The following PTPRD variants were observed in gnomAD, a reference collection of about 807,000 sequenced individuals.
The protein encoded by PTPRD is receptor-type tyrosine-protein phosphatase delta.
Under a neutral mutation model 214.5 loss-of-function variants are expected in PTPRD, and 34 were observed. The ratio of observed to expected loss-of-function variants is 0.16; its 90% CI spans 0.12 to 0.21. PTPRD has a LOEUF of 0.21. Ranked by LOEUF, PTPRD falls within the 10% of genes least tolerant of loss-of-function variation. PTPRD has a pLI of 1.00. For synonymous variants in PTPRD, 1,128 were observed against 845.7 expected, an observed-to-expected ratio of 1.33 and a Z score of -5.79; for missense variants, 2,545 against 2,398.7, an observed-to-expected ratio of 1.06 and a Z score of -1.27.
At chr9:9,480,169 G>C (rs1349798118) in intron 8 of PTPRD, among the ~76,000 whole-genome samples, 1 of 152,150 alleles carries the variant, frequency 6.6e-6, no homozygotes, top group African/African-American at 2.4e-5. Flanking sequence ...AAATCCATCA[G>C]TCCAAGGGTG....
At chr9:8,963,576 T>C (rs2099169942) in intron 11 of PTPRD, among the ~76,000 whole-genome samples, 1 of 152,158 alleles carries the variant, frequency 6.6e-6, no homozygotes, top group African/African-American at 2.4e-5. Flanking sequence ...GATTTGAATA[T>C]GTTGAACAAT....
intron 2 of PTPRD, among the ~76,000 whole-genome samples, chr9:10,550,889 T>C (rs944474426): frequency 6.6e-6 from 1 of 152,230 alleles, no homozygotes; most frequent in Non-Finnish European, 1.5e-5. Flanking sequence ...ATTACATATA[T>C]TGGCATGGTT....
At chr9:9,902,911 A>T (rs564005503) in intron 5 of PTPRD, among the ~76,000 whole-genome samples, 1 of 152,142 alleles carries the variant, frequency 6.6e-6, no homozygotes, top group South Asian at 2.1e-4. Flanking sequence ...TTTGTGTAAT[A>T]TCAAAAGTGT....
intron 4 of PTPRD, among the ~76,000 whole-genome samples, chr9:9,971,318 A>C (rs1037595408): frequency 2.6e-5 from 4 of 152,194 alleles, no homozygotes; most frequent in African/African-American, 9.7e-5. Flanking sequence ...TGGAGTAGAA[A>C]CCAGGTGTTG....
chr9:8,383,412 G>A (rs780060288), intron 37 of PTPRD, among the ~76,000 whole-genome samples: 5 of 152,076 alleles, frequency 3.3e-5, no homozygotes, highest in Non-Finnish European at 5.9e-5. Flanking sequence ...AGTCTCTTTG[G>A]CCCTGACAGC....
chr9:8,896,755 T>G (rs867326659), intron 11 of PTPRD, among the ~76,000 whole-genome samples: 7 of 152,274 alleles, frequency 4.6e-5, no homozygotes, highest in Middle Eastern at 3.4e-3. Context: ...GTGCAATTAA[T>G]TTGTACAGTG....
At chr9:9,115,652 C>T (rs1268297459) in intron 10 of PTPRD, among the ~76,000 whole-genome samples, 5 of 152,086 alleles carry the variant, frequency 3.3e-5, no homozygotes, top group African/African-American at 1.2e-4. Flanking sequence ...GAAAATAACT[C>T]ATTTTATAAA....
chr9:9,079,033 A>C (rs2099755220), intron 10 of PTPRD, among the ~76,000 whole-genome samples: 1 of 151,988 alleles, frequency 6.6e-6, no homozygotes, highest in South Asian at 2.1e-4. Flanking sequence ...CCATCATCTC[A>C]AATATTTATC....
At chr9:10,583,670 G>A (rs920364837) in intron 2 of PTPRD, among the ~76,000 whole-genome samples, 2 of 151,856 alleles carry the variant, frequency 1.3e-5, no homozygotes, top group African/African-American at 4.8e-5. Context: ...AGTAGAGACA[G>A]AGTTTCACCA....
intron 2 of PTPRD, among the ~76,000 whole-genome samples, chr9:10,400,783 A>G (rs1396182857): frequency 2.6e-5 from 4 of 151,582 alleles, no homozygotes; most frequent in Non-Finnish European, 5.9e-5. Flanking sequence ...TTAAAATTAT[A>G]TATTATTGTC....
intron 10 of PTPRD, among the ~76,000 whole-genome samples, chr9:9,067,016 G>A (rs544530496): frequency 6.6e-6 from 1 of 152,212 alleles, no homozygotes; most frequent in Non-Finnish European, 1.5e-5. Context: ...GCTGAGGTGG[G>A]CGGATCACCT....
chr9:10,043,307 C>T (rs1257152490), intron 3 of PTPRD, among the ~76,000 whole-genome samples: 2 of 151,840 alleles, frequency 1.3e-5, no homozygotes, highest in Non-Finnish European at 2.9e-5. Context: ...TGAAAGGTAG[C>T]ATATCCATTG....
At chr9:8,791,523 CTTTTTTT>C (rs34501354) in intron 11 of PTPRD, among the ~76,000 whole-genome samples, 4 of 86,700 alleles carry the variant, frequency 4.6e-5, no homozygotes, top group African/African-American at 1.7e-4. Flanking sequence ...CATGCCCAGA[CTTTTTTT>C]TTTTTTTTTT....
In PTPRD at chr9:10,545,631, C is replaced by A. The variant is rs1398454169; in HGVS notation, c.-600+66767G>T. Among the ~76,000 whole-genome samples, 12 of 152,042 alleles carry A rather than the reference C, an allele frequency of 7.9e-5. No individual in the cohort carries two copies. In the East Asian group the frequency reaches 2.1e-3, roughly 27 times the overall value. On this transcript the variant is annotated intron_variant, in intron 2 of 45. Transcript: ENST00000381196. Reference sequence around the variant, plus strand: ...TCAAAAATAAGTTATGCATATAGACCAAGAGAAACTTGCACAAATTAGTGT... The same window carrying A: ...TCAAAAATAAGTTATGCATATAGACAAAGAGAAACTTGCACAAATTAGTGT...
At chr9:9,437,755 C>A (rs2085903258) in intron 8 of PTPRD, among the ~76,000 whole-genome samples, 1 of 152,170 alleles carries the variant, frequency 6.6e-6, no homozygotes. Flanking sequence ...GGACTGAGAT[C>A]TGCTGCTCTG....
intron 10 of PTPRD, among the ~76,000 whole-genome samples, chr9:9,158,897 G>C (rs2099883741): frequency 6.6e-6 from 1 of 152,136 alleles, no homozygotes; most frequent in Admixed American, 6.5e-5. Context: ...CGCAAGTATG[G>C]TTCAACATAA....
At chr9:9,747,096 A>G (rs1352933412) in intron 6 of PTPRD, among the ~76,000 whole-genome samples, 7 of 152,164 alleles carry the variant, frequency 4.6e-5, no homozygotes, top group African/African-American at 7.2e-5. Flanking sequence ...AGAGAAATGT[A>G]TTGTAGAAAT....
intron 3 of PTPRD, among the ~76,000 whole-genome samples, chr9:10,053,544 A>C (rs1287758665): frequency 1.3e-5 from 2 of 152,162 alleles, no homozygotes; most frequent in Admixed American, 1.3e-4. Flanking sequence ...TCCTATACCT[A>C]CTATAGATAA....
At chr9:10,112,737 C>T (rs1180547591) in intron 3 of PTPRD, among the ~76,000 whole-genome samples, 1 of 152,152 alleles carries the variant, frequency 6.6e-6, no homozygotes, top group African/African-American at 2.4e-5. Flanking sequence ...TTCTAACGAG[C>T]CAGAAGATAA....
Sources: gnomAD v4.1 joint callset for allele counts (sites outside exome capture counted in the v4.1 genomes callset) on GRCh38, gnomAD v4.1.1 for gene constraint, MANE v1.5 for transcripts, NCBI Gene and HGNC (gene_info 2026-07-23, HGNC 2026-07-21) for gene names.